Variants in TAS2R1 observed in about 807,000 individuals in gnomAD.
TAS2R1 encodes the protein taste receptor type 2 member 1.
For missense variants in TAS2R1, 370 were observed against 353.4 expected (o/e 1.05, Z -0.38); for synonymous variants, 141 against 134.2 (o/e 1.05, Z -0.35).
chr5:9,736,645 C>T, the TAS2R1 span, among the ~76,000 whole-genome samples: 31 of 152,174 alleles, frequency 2.0e-4, no homozygotes, highest in Non-Finnish European at 3.2e-4. Flanking sequence ...CTTGGGATGG[C>T]CTCCCAAATA....
upstream of TAS2R1, among the ~76,000 whole-genome samples, chr5:9,716,767 C>A (rs183652971): frequency 3.8e-3 from 579 of 152,240 alleles, 5 homozygotes; most frequent in Admixed American, 6.8e-3. Flanking sequence ...GAAAAAATGA[C>A]AACTTTTGAC....
intron 2 of TAS2R1, among the ~76,000 whole-genome samples, chr5:9,635,779 T>C (rs536753628): frequency 1.1e-3 from 166 of 152,194 alleles, no homozygotes; most frequent in Non-Finnish European, 1.8e-3. Flanking sequence ...GTATCGGTTG[T>C]AATATTTCCT....
chr5:9,815,965 A>G, the TAS2R1 span, among the ~76,000 whole-genome samples: 1 of 152,198 alleles, frequency 6.6e-6, no homozygotes, highest in Non-Finnish European at 1.5e-5. Context: ...TCCTTTTTAA[A>G]AATATATGTG....
intron 1 of TAS2R1, among the ~76,000 whole-genome samples, chr5:9,665,837 G>T (rs1351688037): frequency 6.6e-6 from 1 of 152,234 alleles, no homozygotes; most frequent in Non-Finnish European, 1.5e-5. Context: ...GAGAGTAAAA[G>T]AACAGCAGTG....
the TAS2R1 span, among the ~76,000 whole-genome samples, chr5:9,812,495 A>C: frequency 2.6e-5 from 4 of 152,088 alleles, no homozygotes; most frequent in African/African-American, 9.7e-5. Flanking sequence ...TATAGGAGGA[A>C]TTCAACAAAA....
the TAS2R1 span, among the ~76,000 whole-genome samples, chr5:9,772,199 A>G: frequency 6.6e-6 from 1 of 151,914 alleles, no homozygotes; most frequent in Non-Finnish European, 1.5e-5. Context: ...TTGGTACGTT[A>G]TATTGCCATT....
At chr5:9,718,328 T>C in the TAS2R1 span, among the ~76,000 whole-genome samples, 16 of 151,898 alleles carry the variant, frequency 1.1e-4, no homozygotes, top group African/African-American at 3.6e-4. Context: ...ACATTGCAAA[T>C]AGAAGAATTA....
chr5:9,721,500 C>T, the TAS2R1 span, among the ~76,000 whole-genome samples: 1 of 152,180 alleles, frequency 6.6e-6, no homozygotes. Flanking sequence ...CTGACTAACC[C>T]ACAGTAGGCG....
the TAS2R1 span, among the ~76,000 whole-genome samples, chr5:9,746,090 C>T: frequency 5.9e-5 from 9 of 152,008 alleles, no homozygotes; most frequent in African/African-American, 1.2e-4. Flanking sequence ...CCAACCCCAT[C>T]GAAAAGTAGG....
chr5:9,850,178 G>C, the TAS2R1 span, among the ~76,000 whole-genome samples: 2 of 151,134 alleles, frequency 1.3e-5, no homozygotes, highest in East Asian at 3.9e-4. Context: ...CCCTCCTCTG[G>C]GCTTTAATAG....
the TAS2R1 span, among the ~76,000 whole-genome samples, chr5:9,823,565 A>C: frequency 6.1e-3 from 844 of 137,438 alleles, 5 homozygotes; most frequent in African/African-American, 0.022. Context: ...AAAGGCAGAA[A>C]GGGGGGAAAG....
the TAS2R1 span, among the ~76,000 whole-genome samples, chr5:9,735,580 T>A: frequency 6.6e-6 from 1 of 152,084 alleles, no homozygotes; most frequent in East Asian, 1.9e-4. Flanking sequence ...CTCAGGTTTA[T>A]AGAAGAGAAA....
chr5:9,687,488 A>C (rs1327428880), intron 1 of TAS2R1, among the ~76,000 whole-genome samples: 3 of 152,158 alleles, frequency 2.0e-5, no homozygotes, highest in Non-Finnish European at 4.4e-5. Context: ...GAACTGAAGC[A>C]GGCCCCTCTG....
intron 1 of TAS2R1, among the ~76,000 whole-genome samples, chr5:9,669,233 C>T (rs1274424075): frequency 6.6e-6 from 1 of 152,104 alleles, no homozygotes; most frequent in Non-Finnish European, 1.5e-5. Context: ...AAATGTGCAG[C>T]CAACACAGGA....
upstream of TAS2R1, among the ~76,000 whole-genome samples, chr5:9,634,876 T>C (rs762229690): frequency 2.0e-5 from 3 of 152,088 alleles, no homozygotes; most frequent in Non-Finnish European, 4.4e-5. Flanking sequence ...AGGCATACAA[T>C]CATATTACTG....
chr5:9,692,418 C>T (rs566967450), intron 1 of TAS2R1, among the ~76,000 whole-genome samples: 1 of 152,232 alleles, frequency 6.6e-6, no homozygotes, highest in South Asian at 2.1e-4. Context: ...ACAGACGCTC[C>T]CCCAACAAAG....
At chr5:9,633,568 G>C (rs1442201648), upstream of TAS2R1, among the ~76,000 whole-genome samples, 1 of 151,822 alleles carries the variant, frequency 6.6e-6, no homozygotes, top group Non-Finnish European at 1.5e-5. Flanking sequence ...CCCACCAGCA[G>C]TGTAAATGTG....
At chr5:9,840,453 C>CT in the TAS2R1 span, among the ~76,000 whole-genome samples, 1 of 152,148 alleles carries the variant, frequency 6.6e-6, no homozygotes, top group Non-Finnish European at 1.5e-5. Context: ...TTGGTGGTGA[C>CT]TATAAAGATT....
Position 9,650,955 on chromosome 5 carries a change from T to C in TAS2R1, c.-81+8466A>G, listed in dbSNP as rs138019947. On this transcript the variant is annotated intron_variant, in intron 2 of 2. Coordinates refer to the TAS2R1 transcript ENST00000506620. Reference sequence around the variant, plus strand: ...ATGTTTAAAATAAAAATACAACTGCTGATCAATGACACTGCAGAAAGGTCC... The same window carrying C: ...ATGTTTAAAATAAAAATACAACTGCCGATCAATGACACTGCAGAAAGGTCC... Among the ~76,000 whole-genome samples, 138 of 152,312 alleles carry C rather than the reference T, an allele frequency of 9.1e-4. 1 individual carries two copies. Among genetic ancestry groups the C allele is most frequent in the African/African-American group, 3.1e-3 (129 of 41,578 alleles).
Sources: gnomAD v4.1 joint callset for allele counts (sites outside exome capture counted in the v4.1 genomes callset) on GRCh38, gnomAD v4.1.1 for gene constraint, MANE v1.5 for transcripts, NCBI Gene and HGNC (gene_info 2026-07-23, HGNC 2026-07-21) for gene names.